The following FGF12 variants were observed in gnomAD, a reference collection of about 807,000 sequenced individuals.
FGF12 encodes the protein fibroblast growth factor 12.
FGF12 carries 14 observed loss-of-function variants against 23.6 expected under a neutral mutation model. That is an observed-to-expected ratio of 0.59 (90% CI 0.39 to 0.93). FGF12 has a LOEUF of 0.93. Ranked by LOEUF, FGF12 falls within the 40% of genes least tolerant of loss-of-function variation. The pLI, the probability that FGF12 is intolerant of heterozygous loss-of-function variation, is 0.00. For synonymous variants in FGF12, 62 were observed against 77.3 expected (o/e 0.80, Z 1.04); for missense variants, 175 against 217.8 (o/e 0.80, Z 1.24).
intron 2 of FGF12, among the ~76,000 whole-genome samples, chr3:192,385,868 A>C (rs931566364): frequency 6.6e-6 from 1 of 152,192 alleles, no homozygotes; most frequent in Admixed American, 6.5e-5. Context: ...GGCTCCAGGT[A>C]AACATGCCCC....
chr3:192,157,091 A>G (rs1714468901), intron 5 of FGF12, among the ~76,000 whole-genome samples: 1 of 152,250 alleles, frequency 6.6e-6, no homozygotes, highest in South Asian at 2.1e-4. Flanking sequence ...GCAGGTTTCT[A>G]ATAACACAGC....
At chr3:192,245,781 C>T (rs1711537010) in intron 4 of FGF12, among the ~76,000 whole-genome samples, 2 of 152,088 alleles carry the variant, frequency 1.3e-5, no homozygotes, top group Admixed American at 1.3e-4. Flanking sequence ...AGTAACAATG[C>T]CTGGGGAGAC....
At chr3:192,398,379 CT>C (rs1560099136) in intron 2 of FGF12, among the ~76,000 whole-genome samples, 1 of 60,406 alleles carries the variant, frequency 1.7e-5, no homozygotes, top group South Asian at 6.3e-4. Flanking sequence ...CTTATATTTT[CT>C]TTTTTCTTTT....
chr3:192,216,609 A>C, intron 4 of FGF12, among the ~76,000 whole-genome samples: 1 of 152,388 alleles, frequency 6.6e-6, no homozygotes, highest in Admixed American at 6.5e-5. Context: ...TTATAAAAAG[A>C]AAATTATTGA....
intron 2 of FGF12, among the ~76,000 whole-genome samples, chr3:192,564,087 A>T (rs561210751): frequency 2.0e-5 from 3 of 151,208 alleles, no homozygotes; most frequent in Non-Finnish European, 4.4e-5. Flanking sequence ...TTTTTGAGAC[A>T]CAGTCTCCCT....
chr3:192,269,232 T>A (rs796127579), intron 4 of FGF12, among the ~76,000 whole-genome samples: 1 of 152,188 alleles, frequency 6.6e-6, no homozygotes, highest in Non-Finnish European at 1.5e-5. Flanking sequence ...ACTAAGACAT[T>A]TTTAAATAGT....
intron 2 of FGF12, among the ~76,000 whole-genome samples, chr3:192,667,834 T>A (rs1167268536): frequency 1.3e-5 from 2 of 152,030 alleles, no homozygotes; most frequent in Non-Finnish European, 2.9e-5. Flanking sequence ...AACATCATGT[T>A]ATGTTGTTAG....
At position 192,140,020 on chromosome 3, in the gene FGF12, G is replaced by A. The variant is rs970981841; in HGVS notation, c.*3989C>T. The A allele has an allele frequency of 2.6e-5, 4 of 151,938 alleles. No homozygotes were observed. Among genetic ancestry groups the A allele is most frequent in the Non-Finnish European group, 5.9e-5 (4 of 67,920 alleles). 9.4% of individuals were successfully genotyped at this position (151,938 alleles called of 1,614,324 possible). ...TCACCAAAGTACTGAAGGAACACGTGCTTTGATTATTATTCCCACCTGTTT... is the reference window on the plus strand; with the variant it reads ...TCACCAAAGTACTGAAGGAACACGTACTTTGATTATTATTCCCACCTGTTT... On this transcript the variant is annotated 3_prime_UTR_variant, in exon 6 of 6. Transcript: ENST00000445105.
At chr3:192,566,955 T>C (rs1297184011) in intron 2 of FGF12, among the ~76,000 whole-genome samples, 2 of 152,182 alleles carry the variant, frequency 1.3e-5, no homozygotes, top group African/African-American at 2.4e-5. Flanking sequence ...ATTCCGTCTA[T>C]TCTCTATTGA....
At chr3:192,458,185 T>C (rs1722739010) in intron 2 of FGF12, among the ~76,000 whole-genome samples, 1 of 152,162 alleles carries the variant, frequency 6.6e-6, no homozygotes, top group Non-Finnish European at 1.5e-5. Context: ...AACCTCTGCT[T>C]GGGAAGTGCA....
At chr3:192,446,021 T>C (rs538208809) in intron 2 of FGF12, among the ~76,000 whole-genome samples, 1 of 152,268 alleles carries the variant, frequency 6.6e-6, no homozygotes, top group African/African-American at 2.4e-5. Flanking sequence ...ATTAAACAAA[T>C]TGCTCCATAA....
intron 4 of FGF12, among the ~76,000 whole-genome samples, chr3:192,298,066 G>A (rs967019627): frequency 4.6e-5 from 7 of 152,102 alleles, no homozygotes; most frequent in Admixed American, 3.3e-4. Flanking sequence ...TTGTATACCC[G>A]AGACTGAACA....
rs907706144 is a variant in FGF12 at position 192,449,017 on chromosome 3, T to C, written c.14-88479A>G. On this transcript the variant is annotated intron_variant, in intron 2 of 5. Transcript: ENST00000445105. ...TCATAACTATAGCAACAGTATATTT[T>C]TGTATTCTGTTTTAGTGTACACAAA... 1.4e-4 allele frequency among the ~76,000 whole-genome samples: 22 copies of C among 152,344 alleles called. No individual in the cohort carries two copies. The South Asian group carries it at 3.9e-3, about 27-fold the overall frequency.
At chr3:192,723,216 C>A (rs1200532525) in intron 2 of FGF12, among the ~76,000 whole-genome samples, 2 of 151,970 alleles carry the variant, frequency 1.3e-5, no homozygotes, top group Admixed American at 6.6e-5. Flanking sequence ...GGATGAGCAG[C>A]AAGGGTATTT....
At chr3:192,399,028 G>GT (rs1310170771) in intron 2 of FGF12, among the ~76,000 whole-genome samples, 2 of 152,084 alleles carry the variant, frequency 1.3e-5, no homozygotes, top group Non-Finnish European at 2.9e-5. Flanking sequence ...AGGAACTGAA[G>GT]TTTTCATCAA....
At position 192,588,304 on chromosome 3, in the gene FGF12, C is replaced by T. The variant is rs549335461; in HGVS notation, c.13+138877G>A. On this transcript the variant is annotated intron_variant, in intron 2 of 5. Transcript: ENST00000445105. ...GGCGGAGCTTGCAGTGAGCCGAGAT[C>T]GCGCCACTGCACTCCAGCCTGGGCG... is the stretch of plus-strand genomic sequence containing the variant. Among the ~76,000 whole-genome samples, 9 of 141,648 alleles carry T rather than the reference C, an allele frequency of 6.4e-5. No homozygotes were observed. In the East Asian group the frequency reaches 1.0e-3, roughly 16 times the overall value. The allele number at this position is 141,648 out of a possible 152,430, so 92.9% of individuals were successfully genotyped here. A position where few individuals can be genotyped will look rare whatever the true frequency, so the allele number is the denominator to read the frequency against.
At chr3:192,369,840 GT>G (rs1719145028) in intron 2 of FGF12, among the ~76,000 whole-genome samples, 1 of 152,176 alleles carries the variant, frequency 6.6e-6, no homozygotes, top group East Asian at 1.9e-4. Flanking sequence ...AACATTTAAA[GT>G]GCTGTCATAA....
chr3:192,384,118 TC>T (rs1719939448), intron 2 of FGF12, among the ~76,000 whole-genome samples: 1 of 152,174 alleles, frequency 6.6e-6, no homozygotes, highest in Non-Finnish European at 1.5e-5. Context: ...CTGAAAAGTA[TC>T]CATTAGATTT....
intron 2 of FGF12, among the ~76,000 whole-genome samples, chr3:192,369,835 T>C (rs1182825679): frequency 6.6e-6 from 1 of 152,154 alleles, no homozygotes; most frequent in Non-Finnish European, 1.5e-5. Context: ...CCGTGAACAT[T>C]TAAAGTGCTG....
Sources: allele counts gnomAD v4.1 joint callset (sites outside exome capture counted in the v4.1 genomes callset), GRCh38; gene constraint gnomAD v4.1.1; transcripts MANE v1.5; gene names NCBI Gene and HGNC (gene_info 2026-07-23, HGNC 2026-07-21).